The following CADPS2 variants were observed in gnomAD, a reference collection of about 807,000 sequenced individuals.
CADPS2 encodes the protein calcium-dependent secretion activator 2.
A neutral mutation model predicts 172.5 loss-of-function variants in CADPS2; 93 were observed. The ratio of observed to expected loss-of-function variants is 0.54; its 90% CI spans 0.46 to 0.64. The LOEUF (loss-of-function observed/expected upper bound fraction) is 0.64. Ranked by LOEUF, CADPS2 falls within the 30% of genes least tolerant of loss-of-function variation. CADPS2 has a pLI of 0.00. For synonymous variants in CADPS2, 546 were observed against 555.2 expected, an observed-to-expected ratio of 0.98 and a Z score of 0.23; for missense variants, 1,420 against 1,565.9, an observed-to-expected ratio of 0.91 and a Z score of 1.57.
intron 8 of CADPS2, among the ~76,000 whole-genome samples, chr7:122,551,098 C>T (rs540880556): frequency 6.6e-6 from 1 of 151,980 alleles, no homozygotes; most frequent in Admixed American, 6.6e-5. Flanking sequence ...GAAACATGAG[C>T]TTTAGATTGG....
chr7:122,487,306 G>A (rs377605925), intron 11 of CADPS2, among the ~76,000 whole-genome samples: 12 of 151,910 alleles, frequency 7.9e-5, no homozygotes, highest in Admixed American at 1.3e-4. Flanking sequence ...CCACTGCGCC[G>A]GCCAAACATA....
At chr7:122,842,789 A>C (rs935149171) in intron 1 of CADPS2, among the ~76,000 whole-genome samples, 2 of 152,174 alleles carry the variant, frequency 1.3e-5, no homozygotes, top group Non-Finnish European at 2.9e-5. Flanking sequence ...TAGAAGGTGT[A>C]AAGGAGGGAG....
At chr7:122,397,993 T>C (rs1328997966) in intron 20 of CADPS2, among the ~76,000 whole-genome samples, 1 of 152,194 alleles carries the variant, frequency 6.6e-6, no homozygotes, top group Non-Finnish European at 1.5e-5. Flanking sequence ...TATCACCTTG[T>C]TAGAAAATAA....
chr7:122,550,168 C>A (rs558960378), intron 8 of CADPS2, among the ~76,000 whole-genome samples: 1 of 152,244 alleles, frequency 6.6e-6, no homozygotes, highest in South Asian at 2.1e-4. Flanking sequence ...GGGCTTGTCT[C>A]GTTTTTCTGC....
Position 122,529,467 on chromosome 7 carries a change from G to A in CADPS2, c.1476-16152C>T, listed in dbSNP as rs114240171. On this transcript the variant is annotated intron_variant, in intron 8 of 29. Coordinates refer to ENST00000449022, the MANE Select transcript of CADPS2 (RefSeq NM_017954.11). ...TATTACACATAAAACTAGGGATAAA[G>A]ACTAGAAATCTGTTACATGAACTTG... is the stretch of plus-strand genomic sequence containing the variant. Among the ~76,000 whole-genome samples the A allele has an allele frequency of 7.4e-3, 1,132 of 152,062 alleles. 10 individuals are homozygous for A. The highest frequency in any genetic ancestry group is 0.026 in the African/African-American group (1,067 of 41,524).
chr7:122,807,952 G>A (rs1340338786), intron 1 of CADPS2, among the ~76,000 whole-genome samples: 2 of 152,126 alleles, frequency 1.3e-5, no homozygotes, highest in Admixed American at 6.5e-5. Flanking sequence ...AACAAATGAC[G>A]TAGATATAAA....
At chr7:122,637,746 AT>A (rs1414899432) in intron 3 of CADPS2, among the ~76,000 whole-genome samples, 1 of 152,136 alleles carries the variant, frequency 6.6e-6, no homozygotes, top group Non-Finnish European at 1.5e-5. Context: ...GCCTTTTTGA[AT>A]TGCCAGCGTT....
At chr7:122,698,469 G>C in intron 2 of CADPS2, 2 of 1,613,624 alleles carry the variant, frequency 1.2e-6, no homozygotes, top group Admixed American at 1.7e-5. Flanking sequence ...TAACCACAAC[G>C]ACATCTTCAA....
chr7:122,751,351 C>T (rs1214961317), intron 1 of CADPS2, among the ~76,000 whole-genome samples: 1 of 151,946 alleles, frequency 6.6e-6, no homozygotes, highest in Non-Finnish European at 1.5e-5. Flanking sequence ...AAAATCATGT[C>T]GAGGGAATGG....
intron 1 of CADPS2, among the ~76,000 whole-genome samples, chr7:122,831,613 C>G (rs532385207): frequency 6.6e-6 from 1 of 152,122 alleles, no homozygotes; most frequent in Admixed American, 6.5e-5. Context: ...GAATTTCAAC[C>G]GCCTGAACCT....
At chr7:122,724,194 AAAAATAAAAAT>A (rs1285231271) in intron 2 of CADPS2, among the ~76,000 whole-genome samples, 1 of 151,984 alleles carries the variant, frequency 6.6e-6, no homozygotes, top group African/African-American at 2.4e-5. Flanking sequence ...TGAAAAATTA[AAAAATAAAAAT>A]AAAATAAAAA....
At chr7:122,837,953 A>C (rs1809072011) in intron 1 of CADPS2, among the ~76,000 whole-genome samples, 1 of 152,166 alleles carries the variant, frequency 6.6e-6, no homozygotes, top group South Asian at 2.1e-4. Flanking sequence ...TCCTGATACC[A>C]AAGCCTGGCA....
At position 122,393,447 on chromosome 7, in the gene CADPS2, G is replaced by T; in HGVS notation, c.2882C>A (p.Pro961His). ...HRGFEQETWQ[P>H]VKNIANSLPN... ...CACTAGGTAAGATACCTACTTGACAGGCTGCCATGTCTCCTGCTCAAAACC... is the reference window on the plus strand; with the variant it reads ...CACTAGGTAAGATACCTACTTGACATGCTGCCATGTCTCCTGCTCAAAACC... The change falls in exon 21 of 30, where the codon CCT becomes CAT. Residue 961 changes from proline to histidine, a missense_variant. Physicochemically the swap from Pro to His is moderately conservative, Grantham distance 77. Coordinates refer to ENST00000449022, the MANE Select transcript of CADPS2 (RefSeq NM_017954.11). 1 of 1,613,876 alleles carries T rather than the reference G, an allele frequency of 6.2e-7. No individual in the cohort carries two copies. Among genetic ancestry groups the T allele is most frequent in the Admixed American group, 1.7e-5 (1 of 60,016 alleles).
intron 28 of CADPS2, among the ~76,000 whole-genome samples, chr7:122,333,707 G>A (rs942603224): frequency 1.3e-5 from 2 of 152,118 alleles, no homozygotes; most frequent in African/African-American, 2.4e-5. Flanking sequence ...CTATACAGGT[G>A]TCTATAAAAA....
chr7:122,441,240 G>A lies in CADPS2; in HGVS notation c.2352+272C>T, dbSNP rs1167511821. On this transcript the variant is annotated intron_variant, in intron 16 of 29. Coordinates refer to ENST00000449022, the MANE Select transcript of CADPS2 (RefSeq NM_017954.11). ...CTTAACTGAAAAAAAAGTATTTCAT[G>A]AGGGAAATAAAGAGGTAGGAAAAAT... is the stretch of plus-strand genomic sequence containing the variant. Among the ~76,000 whole-genome samples, 8 of 152,254 alleles carry A rather than the reference G, an allele frequency of 5.3e-5. No individual in the cohort carries two copies. The East Asian group carries it at 1.5e-3, about 29-fold the overall frequency.
chr7:122,463,676 A>C (rs2054758029), intron 14 of CADPS2, among the ~76,000 whole-genome samples: 2 of 152,176 alleles, frequency 1.3e-5, no homozygotes, highest in African/African-American at 4.8e-5. Flanking sequence ...TAACCTCACT[A>C]AGGAGGGTGG....
intron 17 of CADPS2, chr7:122,426,361 A>G (rs1435039881): frequency 6.6e-6 from 1 of 152,218 alleles, no homozygotes; most frequent in Non-Finnish European, 1.5e-5. Flanking sequence ...CAGCTCTAAC[A>G]TCACAAATTT....
chr7:122,836,038 G>A (rs1808313001), intron 1 of CADPS2, among the ~76,000 whole-genome samples: 1 of 152,152 alleles, frequency 6.6e-6, no homozygotes, highest in Non-Finnish European at 1.5e-5. Flanking sequence ...AGAAAGGTCG[G>A]GTTACCCACA....
At chr7:122,755,115 TACTGAGCAGTATGATGAC>T in intron 1 of CADPS2, among the ~76,000 whole-genome samples, 1 of 152,352 alleles carries the variant, frequency 6.6e-6, no homozygotes, top group Non-Finnish European at 1.5e-5. Flanking sequence ...AAACATTTGC[TACTGAGCAGTATGATGAC>T]AATTACACCA....
Sources: gnomAD v4.1 joint callset for allele counts (sites outside exome capture counted in the v4.1 genomes callset) on GRCh38, gnomAD v4.1.1 for gene constraint, MANE v1.5 for transcripts, NCBI Gene and HGNC (gene_info 2026-07-23, HGNC 2026-07-21) for gene names.